FGF14: variants seen among roughly 807,000 people sequenced by gnomAD.
FGF14 encodes the protein fibroblast growth factor 14.
In FGF14, 5 loss-of-function variants were observed where a neutral mutation model predicts 25.5. That is an observed-to-expected ratio of 0.20 (90% CI 0.10 to 0.41). The LOEUF (loss-of-function observed/expected upper bound fraction) is 0.41, where lower values mean the gene tolerates loss of function less well. Among genes scored for constraint, FGF14 ranks in the 10% least tolerant of loss-of-function variants. FGF14 has a pLI of 1.00. For synonymous variants in FGF14, 138 were observed against 118.3 expected (o/e 1.17, Z -1.08); for missense variants, 222 against 320.1 (o/e 0.69, Z 2.34).
At chr13:101,777,099 A>G (rs974215833) in intron 3 of FGF14, among the ~76,000 whole-genome samples, 3 of 152,208 alleles carry the variant, frequency 2.0e-5, no homozygotes, top group Middle Eastern at 3.2e-3. Context: ...GTATAGTACT[A>G]TCATCTGACT....
intron 1 of FGF14, among the ~76,000 whole-genome samples, chr13:102,104,573 G>A (rs940698465): frequency 2.0e-5 from 3 of 152,068 alleles, no homozygotes; most frequent in African/African-American, 7.2e-5. Flanking sequence ...CCCAGGAGTT[G>A]GAGACCAGCC....
chr13:102,103,350 AACTTAT>A (rs1398940018), intron 1 of FGF14, among the ~76,000 whole-genome samples: 1 of 152,102 alleles, frequency 6.6e-6, no homozygotes, highest in African/African-American at 2.4e-5. Context: ...GAAAGAAAAA[AACTTAT>A]CTTAAGATAC....
intron 1 of FGF14, among the ~76,000 whole-genome samples, chr13:102,022,069 T>A (rs73565708): frequency 0.032 from 4,813 of 152,174 alleles, 244 homozygotes; most frequent in African/African-American, 0.11. Flanking sequence ...TGCCTAATTC[T>A]ACCTTACTTC....
chr13:102,015,425 TA>T (rs1394035290), intron 1 of FGF14, among the ~76,000 whole-genome samples: 8 of 152,142 alleles, frequency 5.3e-5, no homozygotes, highest in Non-Finnish European at 1.2e-4. Context: ...AGAATGAATT[TA>T]AAAAACAGTT....
chr13:101,773,077 T>C (rs2038880435), intron 3 of FGF14, among the ~76,000 whole-genome samples: 1 of 152,258 alleles, frequency 6.6e-6, no homozygotes, highest in African/African-American at 2.4e-5. Context: ...TTTGCACCAA[T>C]GTTTGCTGAT....
At chr13:102,304,958 C>T (rs2055290627) in intron 1 of FGF14, among the ~76,000 whole-genome samples, 3 of 152,158 alleles carry the variant, frequency 2.0e-5, no homozygotes, top group Non-Finnish European at 4.4e-5. Context: ...TGATGAATGT[C>T]TATTCCTGTT....
chr13:102,123,842 G>A (rs969839995), intron 1 of FGF14, among the ~76,000 whole-genome samples: 1 of 152,096 alleles, frequency 6.6e-6, no homozygotes, highest in Non-Finnish European at 1.5e-5. Context: ...TCATTTACGT[G>A]AATTAAATGT....
intron 1 of FGF14, among the ~76,000 whole-genome samples, chr13:102,050,660 G>A (rs1296051059): frequency 6.6e-6 from 1 of 152,108 alleles, no homozygotes; most frequent in African/African-American, 2.4e-5. Flanking sequence ...CAGAGTAAGA[G>A]ACAAGCCTTC....
chr13:102,378,633 A>ATCTATCTATC (rs140797016), intron 1 of FGF14, among the ~76,000 whole-genome samples: 341 of 141,668 alleles, frequency 2.4e-3, no homozygotes, highest in East Asian at 5.7e-3. Context: ...CTATCTATCT[A>ATCTATCTATC]TATATATATA....
intron 3 of FGF14, among the ~76,000 whole-genome samples, chr13:101,763,671 C>T (rs1474620046): frequency 2.0e-5 from 3 of 152,088 alleles, no homozygotes; most frequent in Non-Finnish European, 2.9e-5. Flanking sequence ...ACCAGCCTGA[C>T]CAACATGGTG....
At chr13:102,245,804 T>C (rs991349024) in intron 1 of FGF14, among the ~76,000 whole-genome samples, 3 of 152,060 alleles carry the variant, frequency 2.0e-5, no homozygotes, top group South Asian at 4.1e-4. Context: ...TAAAGTGTCA[T>C]TTGATATTTA....
At chr13:102,189,896 T>C (rs1433914105) in intron 1 of FGF14, among the ~76,000 whole-genome samples, 2 of 152,078 alleles carry the variant, frequency 1.3e-5, no homozygotes, top group African/African-American at 2.4e-5. Flanking sequence ...CAACCAGCTC[T>C]TGAGTGAACT....
At chr13:102,364,133 G>A (rs1182572684) in intron 1 of FGF14, among the ~76,000 whole-genome samples, 4 of 152,174 alleles carry the variant, frequency 2.6e-5, no homozygotes, top group Non-Finnish European at 5.9e-5. Flanking sequence ...AAGTGCCACT[G>A]GATTTTACAC....
chr13:102,083,782 C>A (rs541967650), intron 1 of FGF14, among the ~76,000 whole-genome samples: 90 of 152,346 alleles, frequency 5.9e-4, no homozygotes, highest in African/African-American at 2.1e-3. Context: ...GAAACTGTTT[C>A]CACAGGTCAC....
chr13:101,956,716 T>C (rs73569506), intron 1 of FGF14, among the ~76,000 whole-genome samples: 1 of 150,458 alleles, frequency 6.6e-6, no homozygotes, highest in East Asian at 2.0e-4. Context: ...GGAGTCACAG[T>C]TGGTGGTCTT....
At chr13:101,871,397 T>G (rs2045073222) in intron 2 of FGF14, among the ~76,000 whole-genome samples, 1 of 152,078 alleles carries the variant, frequency 6.6e-6, no homozygotes, top group African/African-American at 2.4e-5. Flanking sequence ...CATAAGGAAT[T>G]TTTTTGAAAA....
chr13:101,982,542 G>T (rs1453845914), intron 1 of FGF14, among the ~76,000 whole-genome samples: 2 of 152,158 alleles, frequency 1.3e-5, no homozygotes, highest in African/African-American at 2.4e-5. Context: ...TTATGTGAAT[G>T]TCTAACTTGT....
chr13:102,314,508 G>T (rs1171146211), intron 1 of FGF14, among the ~76,000 whole-genome samples: 1 of 152,050 alleles, frequency 6.6e-6, no homozygotes, highest in Non-Finnish European at 1.5e-5. Context: ...GCATTTTCCA[G>T]ATACTGTACT....
intron 3 of FGF14, among the ~76,000 whole-genome samples, chr13:101,836,267 G>T (rs576237319): frequency 6.6e-6 from 1 of 152,116 alleles, no homozygotes; most frequent in East Asian, 1.9e-4. Context: ...AGACAAATAA[G>T]ATTCTACCTG....
Sources: gnomAD v4.1 joint callset for allele counts (sites outside exome capture counted in the v4.1 genomes callset) on GRCh38, gnomAD v4.1.1 for gene constraint, MANE v1.5 for transcripts, NCBI Gene and HGNC (gene_info 2026-07-23, HGNC 2026-07-21) for gene names.